ACER3: variants seen among roughly 807,000 people sequenced by gnomAD.
ACER3 encodes the protein alkCDase 3.
A neutral mutation model predicts 48.9 loss-of-function variants in ACER3; 16 were observed. The observed-to-expected ratio is 0.33, with a 90% CI of 0.22 to 0.50. The LOEUF is 0.50. ACER3 is among the 20% of genes least tolerant of loss of function. The probability of loss-of-function intolerance (pLI) is 0.98; values close to 1 mark genes in which losing one functional copy is unlikely to be tolerated. For missense variants in ACER3, 227 were observed against 326.0 expected, an observed-to-expected ratio of 0.70 and a Z score of 2.34; for synonymous variants, 109 against 107.8, an observed-to-expected ratio of 1.01 and a Z score of -0.07.
At chr11:77,012,290 C>T (rs928301161) in intron 7 of ACER3, among the ~76,000 whole-genome samples, 1 of 151,684 alleles carries the variant, frequency 6.6e-6, no homozygotes, top group African/African-American at 2.4e-5. Context: ...TGGTGGCGCA[C>T]GCCTGTAGTC....
intron 1 of ACER3, among the ~76,000 whole-genome samples, chr11:76,863,226 A>C (rs533716839): frequency 1.7e-4 from 26 of 152,278 alleles, no homozygotes; most frequent in Middle Eastern, 3.4e-3. Flanking sequence ...CCCTATTTCT[A>C]CAAAAAAAAT....
At chr11:77,014,706 G>A (rs1949333065) in intron 7 of ACER3, among the ~76,000 whole-genome samples, 1 of 152,180 alleles carries the variant, frequency 6.6e-6, no homozygotes, top group African/African-American at 2.4e-5. Flanking sequence ...TAGAAAATTT[G>A]ATAGGTCTGC....
intron 3 of ACER3, among the ~76,000 whole-genome samples, chr11:76,973,448 C>T (rs891167334): frequency 4.6e-5 from 7 of 152,112 alleles, no homozygotes; most frequent in African/African-American, 1.7e-4. Flanking sequence ...CAGGGGTGCT[C>T]GCTCTGTGGT....
chr11:76,985,766 C>A, intron 5 of ACER3, 42 bp downstream of exon 5: 2 of 1,201,428 alleles, frequency 1.7e-6, no homozygotes, highest in Non-Finnish European at 1.2e-6. Flanking sequence ...CATGTAAATT[C>A]ACCATTTATG....
chr11:77,014,922 C>G, intron 7 of ACER3, 94 bp from the exon 8 acceptor site: 1 of 753,026 alleles, frequency 1.3e-6, no homozygotes, highest in Non-Finnish European at 2.3e-6. Context: ...AGATCCCAGC[C>G]CTTATAAAAA....
intron 2 of ACER3, among the ~76,000 whole-genome samples, chr11:76,940,991 C>T (rs1457551307): frequency 6.8e-6 from 1 of 147,466 alleles, no homozygotes; most frequent in African/African-American, 2.5e-5. Context: ...TAAGTCTCCC[C>T]ACCAAATATG....
chr11:76,891,740 G>A (rs1221512258), intron 1 of ACER3, among the ~76,000 whole-genome samples: 1 of 152,180 alleles, frequency 6.6e-6, no homozygotes, highest in Admixed American at 6.5e-5. Context: ...CACCCAGCTG[G>A]TGTCTGCTGT....
At chr11:76,935,559 A>G (rs553543688) in intron 2 of ACER3, among the ~76,000 whole-genome samples, 18 of 152,354 alleles carry the variant, frequency 1.2e-4, no homozygotes, top group African/African-American at 4.3e-4. Flanking sequence ...TAATATACAA[A>G]GAAAATACCA....
chr11:76,932,141 G>T (rs1010125646), intron 2 of ACER3, among the ~76,000 whole-genome samples: 1 of 151,970 alleles, frequency 6.6e-6, no homozygotes, highest in African/African-American at 2.4e-5. Context: ...GTAGAGACAG[G>T]ATTTCGCCAT....
At chr11:76,876,740 G>C (rs1261464207) in intron 1 of ACER3, among the ~76,000 whole-genome samples, 1 of 152,078 alleles carries the variant, frequency 6.6e-6, no homozygotes, top group African/African-American at 2.4e-5. Flanking sequence ...GTGGATGTGT[G>C]GTTGTATCTC....
chr11:76,862,389 T>G (rs537551190), intron 1 of ACER3, among the ~76,000 whole-genome samples: 1 of 152,330 alleles, frequency 6.6e-6, no homozygotes. Context: ...ACTATTAAAT[T>G]AATAATTTTT....
intron 1 of ACER3, among the ~76,000 whole-genome samples, chr11:76,867,599 A>T (rs1945128949): frequency 6.6e-6 from 1 of 152,022 alleles, no homozygotes; most frequent in South Asian, 2.1e-4. Flanking sequence ...AACATATTTG[A>T]TCATGGAATG....
intron 1 of ACER3, among the ~76,000 whole-genome samples, chr11:76,877,522 C>A (rs935016545): frequency 6.6e-6 from 1 of 151,302 alleles, no homozygotes; most frequent in Non-Finnish European, 1.5e-5. Context: ...CCTTTTTTTC[C>A]CCCCCATTTC....
At chr11:76,959,484 C>T (rs1947928511) in intron 3 of ACER3, among the ~76,000 whole-genome samples, 1 of 152,298 alleles carries the variant, frequency 6.6e-6, no homozygotes, top group African/African-American at 2.4e-5. Flanking sequence ...GCTTTGAATG[C>T]AGCCCAATAC....
rs1949477568 is a variant in ACER3, at chr11:77,021,769, CA to C, written c.*1445del. 6.6e-6 allele frequency: 1 copy of C among 152,092 alleles called. No individual in the cohort carries two copies. Among genetic ancestry groups the C allele is most frequent in the Admixed American group, 6.5e-5 (1 of 15,272 alleles). The allele number at this position is 152,092 out of a possible 1,614,324, so 9.4% of individuals were successfully genotyped here. On this transcript the variant is annotated 3_prime_UTR_variant, in exon 11 of 11. Coordinates refer to ENST00000532485, the MANE Select transcript of ACER3 (RefSeq NM_018367.7). ...CAGTATTCAATAAGTAGCCTTTGTA[CA>C]AATTTAAAACCAAAAACTATTCTGT... is the stretch of plus-strand genomic sequence containing the variant.
intron 4 of ACER3, among the ~76,000 whole-genome samples, chr11:76,978,052 G>A (rs1440103623): frequency 1.3e-5 from 2 of 152,190 alleles, no homozygotes. Flanking sequence ...ATGGGAGGGA[G>A]GCCGAGGCGG....
At chr11:76,925,764 C>A (rs1243433095) in intron 1 of ACER3, among the ~76,000 whole-genome samples, 2 of 152,072 alleles carry the variant, frequency 1.3e-5, no homozygotes, top group Non-Finnish European at 2.9e-5. Flanking sequence ...TAATCCTTGA[C>A]TGTTTGAAAA....
chr11:76,907,509 T>G (rs2134704713), intron 1 of ACER3, among the ~76,000 whole-genome samples: 1 of 152,342 alleles, frequency 6.6e-6, no homozygotes, highest in Non-Finnish European at 1.5e-5. Context: ...TTTTCTTGAG[T>G]GCTTTTATTG....
chr11:76,955,016 T>C (rs1387573755), intron 2 of ACER3, among the ~76,000 whole-genome samples: 1 of 152,236 alleles, frequency 6.6e-6, no homozygotes, highest in Non-Finnish European at 1.5e-5. Context: ...CAGTAAATAT[T>C]TATTGAAAAC....
Sources: allele counts gnomAD v4.1 joint callset (sites outside exome capture counted in the v4.1 genomes callset), GRCh38; gene constraint gnomAD v4.1.1; transcripts MANE v1.5; gene names NCBI Gene and HGNC (gene_info 2026-07-23, HGNC 2026-07-21).